Variants in CLEC4C observed in about 807,000 individuals in gnomAD.
CLEC4C encodes C-type (calcium dependent, carbohydrate-recognition domain) lectin, superfamily member 11.
CLEC4C carries 17 observed loss-of-function variants against 27.7 expected under a neutral mutation model. That is an observed-to-expected ratio of 0.61 (90% CI 0.42 to 0.92). CLEC4C has a LOEUF of 0.92. CLEC4C is among the 40% of genes least tolerant of loss of function. The probability of loss-of-function intolerance (pLI) is 0.00; values close to 1 mark genes in which losing one functional copy is unlikely to be tolerated. For missense variants in CLEC4C, 244 were observed against 257.3 expected (o/e 0.95, Z 0.35); for synonymous variants, 80 against 80.8 (o/e 0.99, Z 0.06).
At chr12:7,734,972 AG>A (rs1221004345) in intron 4 of CLEC4C, among the ~76,000 whole-genome samples, 1 of 151,974 alleles carries the variant, frequency 6.6e-6, no homozygotes, top group Non-Finnish European at 1.5e-5. Flanking sequence ...AGACCGAGGC[AG>A]GCTGATCACT....
intron 2 of CLEC4C, among the ~76,000 whole-genome samples, chr12:7,742,741 C>T (rs1333734586): frequency 1.3e-5 from 2 of 151,536 alleles, no homozygotes; most frequent in Non-Finnish European, 2.9e-5. Context: ...ACCTGGGAGG[C>T]GAAGGTTGCA....
At chr12:7,739,776 C>G (rs1864812914) in intron 3 of CLEC4C, among the ~76,000 whole-genome samples, 1 of 151,934 alleles carries the variant, frequency 6.6e-6, no homozygotes, top group African/African-American at 2.4e-5. Flanking sequence ...ACCTCCGGAG[C>G]TCAACTGATC....
intron 2 of CLEC4C, among the ~76,000 whole-genome samples, 189 bp from the exon 3 acceptor site, chr12:7,741,720 T>C (rs1864860686): frequency 6.6e-6 from 1 of 151,950 alleles, no homozygotes; most frequent in South Asian, 2.1e-4. Context: ...AAACCCCGTC[T>C]CCACCAAAAA....
chr12:7,749,022 G>A (rs1865046163), upstream of CLEC4C: 1 of 152,178 alleles, frequency 6.6e-6, no homozygotes, highest in Admixed American at 6.6e-5. Flanking sequence ...GGTGAGGGAG[G>A]GAGTCCCAAC....
chr12:7,734,404 T>C (rs1380087429), intron 4 of CLEC4C, among the ~76,000 whole-genome samples: 2 of 152,158 alleles, frequency 1.3e-5, no homozygotes, highest in Non-Finnish European at 1.5e-5. Context: ...AGACCTCATA[T>C]AGATTATGAT....
chr12:7,729,672 TC>T lies in CLEC4C; in HGVS notation c.565del (p.Glu189LysfsTer20), dbSNP rs747209870. 1.3e-4 allele frequency: 215 copies of T among 1,613,890 alleles called. No homozygotes were observed. The highest frequency in any genetic ancestry group is 1.7e-4 in the Non-Finnish European group (196 of 1,179,872). ...GTGAATGTCATTCCAGCCCCATTCT[TC>T]TGAAGAACGGAAATTTATTATCGCA... Reference protein sequence around the residue: ...RCAIINFRSSEEWGWNDIHCH... With the variant: ...RCAIINFRSSXEWGWNDIHCH... On this transcript the variant is annotated frameshift_variant, in exon 6 of 6. Transcript: ENST00000360345. LOFTEE classifies it low-confidence loss of function (END_TRUNC).
intron 1 of CLEC4C, among the ~76,000 whole-genome samples, chr12:7,747,043 C>T (rs1416834256): frequency 4.6e-5 from 7 of 152,162 alleles, no homozygotes; most frequent in Non-Finnish European, 7.3e-5. Flanking sequence ...AGGCTGGTCT[C>T]GAACTCCTGA....
chr12:7,748,303 G>A (rs1329264674), upstream of CLEC4C, among the ~76,000 whole-genome samples: 4 of 152,178 alleles, frequency 2.6e-5, no homozygotes, highest in South Asian at 4.1e-4. Context: ...TGAGGTGGGC[G>A]GATCACGAGG....
intron 3 of CLEC4C, among the ~76,000 whole-genome samples, chr12:7,739,790 C>A (rs1231389270): frequency 6.6e-6 from 1 of 152,056 alleles, no homozygotes; most frequent in Non-Finnish European, 1.5e-5. Context: ...ACTGATCCTC[C>A]CACCTCAGCC....
upstream of CLEC4C, among the ~76,000 whole-genome samples, chr12:7,748,379 A>G (rs746216879): frequency 6.6e-6 from 1 of 152,134 alleles, no homozygotes; most frequent in Non-Finnish European, 1.5e-5. Context: ...TACAAAAATT[A>G]GCCAGGTGTG....
chr12:7,735,094 A>G (rs760714032), intron 4 of CLEC4C, among the ~76,000 whole-genome samples: 1 of 151,942 alleles, frequency 6.6e-6, no homozygotes, highest in East Asian at 2.0e-4. Context: ...CCAGCTGGTC[A>G]GGAGGCTGAG....
At chr12:7,745,834 C>T (rs1374915954) in intron 2 of CLEC4C, among the ~76,000 whole-genome samples, 1 of 152,076 alleles carries the variant, frequency 6.6e-6, no homozygotes, top group Non-Finnish European at 1.5e-5. Flanking sequence ...TGGAAGTACA[C>T]ACAATTATCC....
intron 3 of CLEC4C, among the ~76,000 whole-genome samples, chr12:7,738,205 G>A (rs1427003386): frequency 2.0e-5 from 3 of 152,132 alleles, no homozygotes; most frequent in Non-Finnish European, 4.4e-5. Flanking sequence ...CTCATTTTCT[G>A]TGCTGTAATT....
At chr12:7,738,383 A>G (rs2031755280) in intron 3 of CLEC4C, among the ~76,000 whole-genome samples, 1 of 152,222 alleles carries the variant, frequency 6.6e-6, no homozygotes, top group Admixed American at 6.6e-5. Context: ...TCGAAGCACC[A>G]GTTTCTTCCA....
intron 2 of CLEC4C, among the ~76,000 whole-genome samples, chr12:7,744,224 C>T (rs1270454792): frequency 6.6e-6 from 1 of 152,144 alleles, no homozygotes; most frequent in East Asian, 1.9e-4. Flanking sequence ...GACAACTATC[C>T]CAACCATATC....
chr12:7,734,966 C>A (rs1235015337), intron 4 of CLEC4C, among the ~76,000 whole-genome samples: 1 of 151,846 alleles, frequency 6.6e-6, no homozygotes, highest in Non-Finnish European at 1.5e-5. Flanking sequence ...TTTGGGAGAC[C>A]GAGGCAGGCT....
In CLEC4C at chr12:7,746,350, A is replaced by G. The variant is rs376203094; in HGVS notation, c.105T>C (p.Cys35=). The change falls in exon 2 of 6, where the codon TGT becomes TGC. Residue 35 remains cysteine, a synonymous_variant. Transcript: ENST00000360345. ...ACTTACCCACAGAACTCACAGTGAA[A>G]CAGACACTGAGGAGCAAGATGGATA... ...AVVSILLLSV[C]FTVSSVVPHN... is the part of the protein sequence containing the mutation. The G allele has an allele frequency of 1.9e-6, 3 of 1,612,788 alleles. No individual in the cohort carries two copies. The African/African-American group carries it at 4.0e-5, about 22-fold the overall frequency.
intron 3 of CLEC4C, among the ~76,000 whole-genome samples, chr12:7,738,969 C>A (rs868163491): frequency 1.4e-5 from 2 of 140,638 alleles, no homozygotes; most frequent in South Asian, 4.9e-4. Flanking sequence ...CCCCTCCCCA[C>A]CCCACAACAG....
In CLEC4C at chr12:7,730,803, T is replaced by C. The variant is rs1358384610; in HGVS notation, c.491A>G (p.Asn164Ser). The C allele has an allele frequency of 6.4e-7, 1 of 1,573,588 alleles. No homozygotes were observed. ...TACCTCATTCTATACTCACGTGACA[T>C]TTTCATTGTATGGTGTCTGGTCAAC... ...QWVDQTPYNE[N>S]VTFWHSGEPN... Residue 164 changes from asparagine (N) to serine (S), a missense_variant, in exon 5 of 6, where the codon AAT becomes AGT. Transcript: ENST00000360345.
Sources: allele counts gnomAD v4.1 joint callset (sites outside exome capture counted in the v4.1 genomes callset), GRCh38; gene constraint gnomAD v4.1.1; transcripts MANE v1.5; gene names NCBI Gene and HGNC (gene_info 2026-07-23, HGNC 2026-07-21).